Variants in GRAMD1C observed in about 807,000 individuals in gnomAD.
The protein encoded by GRAMD1C is protein Aster-C.
In GRAMD1C, 89 loss-of-function variants were observed where a neutral mutation model predicts 97.8. That is an observed-to-expected ratio of 0.91 (90% CI 0.77 to 1.09). The LOEUF (loss-of-function observed/expected upper bound fraction) is 1.09. Among genes scored for constraint, GRAMD1C ranks in the 50% least tolerant of loss-of-function variants. The pLI, the probability that GRAMD1C is intolerant of heterozygous loss-of-function variation, is 0.00. For missense variants in GRAMD1C, 740 were observed against 766.4 expected (o/e 0.97, Z 0.41); for synonymous variants, 256 against 267.0 (o/e 0.96, Z 0.40).
At chr3:113,853,825 G>T (rs940630034) in intron 2 of GRAMD1C, among the ~76,000 whole-genome samples, 2 of 152,194 alleles carry the variant, frequency 1.3e-5, no homozygotes, top group Non-Finnish European at 1.5e-5. Flanking sequence ...GGATGGTCAG[G>T]AATAGCTTCT....
At position 113,883,039 on chromosome 3, in the gene GRAMD1C, A is replaced by G. The variant is rs190093531; in HGVS notation, c.540+207A>G. On this transcript the variant is annotated intron_variant, in intron 6 of 17. Coordinates refer to ENST00000358160, the MANE Select transcript of GRAMD1C (RefSeq NM_017577.5). ...ATAATCACCAAGAAAATAAATAAAA[A>G]TAAAAAATAAGCAGCAAAGGAATTA... Among the ~76,000 whole-genome samples the G allele has an allele frequency of 4.2e-3, 635 of 152,346 alleles. 5 individuals carry two copies. Among genetic ancestry groups the G allele is most frequent in the African/African-American group, 0.014 (585 of 41,578 alleles).
At chr3:113,881,257 C>T (rs1042747342) in intron 5 of GRAMD1C, among the ~76,000 whole-genome samples, 7 of 152,172 alleles carry the variant, frequency 4.6e-5, no homozygotes, top group Non-Finnish European at 1.0e-4. Context: ...CGGGTTCAAG[C>T]GATTCTCCAG....
At chr3:113,928,580 A>C (rs1481120453) in intron 10 of GRAMD1C, among the ~76,000 whole-genome samples, 2 of 152,208 alleles carry the variant, frequency 1.3e-5, no homozygotes, top group Admixed American at 1.3e-4. Context: ...CATCTTCAGA[A>C]CTTTTTAATC....
chr3:113,885,914 C>T, intron 6 of GRAMD1C: 1 of 1,612,826 alleles, frequency 6.2e-7, no homozygotes, highest in South Asian at 1.1e-5. Context: ...AATCCTGGTT[C>T]AGTGACCCCA....
At position 113,885,102 on chromosome 3, in the gene GRAMD1C, C is replaced by A. The variant is rs1935416828; in HGVS notation, c.540+2270C>A. On this transcript the variant is annotated intron_variant, in intron 6 of 17. Transcript: ENST00000358160. ...CCCCCGCGGGCTGCCCACGCCTGTCCCCCAGCTCCCCATTCCGCTGGGCTT... is the reference window on the plus strand; with the variant it reads ...CCCCCGCGGGCTGCCCACGCCTGTCACCCAGCTCCCCATTCCGCTGGGCTT... Among the ~76,000 whole-genome samples the A allele has an allele frequency of 7.9e-5, 12 of 152,084 alleles. No individual in the cohort carries two copies. In the South Asian group the frequency reaches 2.5e-3, roughly 32 times the overall value.
intron 2 of GRAMD1C, among the ~76,000 whole-genome samples, chr3:113,859,297 GTTATT>G: frequency 6.6e-6 from 1 of 152,174 alleles, no homozygotes; most frequent in South Asian, 2.1e-4. Context: ...AGTTCCGTGT[GTTATT>G]TTATTTCCCT....
chr3:113,944,301 G>A lies in GRAMD1C; in HGVS notation c.1909-1097G>A, dbSNP rs193123087. Among the ~76,000 whole-genome samples the A allele has an allele frequency of 7.3e-4, 111 of 152,266 alleles. 2 individuals carry two copies. The South Asian group carries it at 0.014, about 19-fold the overall frequency. On this transcript the variant is annotated intron_variant, in intron 17 of 17. Transcript: ENST00000358160. The stretch of plus-strand genomic sequence containing the variant: ...GAGCACTAATCCATTCATAGGAGCC[G>A]TCATGACCTAATCACCTCCCAGAGG...
intron 6 of GRAMD1C, among the ~76,000 whole-genome samples, chr3:113,893,516 A>G (rs947561190): frequency 6.6e-6 from 1 of 152,014 alleles, no homozygotes; most frequent in East Asian, 1.9e-4. Flanking sequence ...TTGTATTTCT[A>G]TAATATGCAT....
At chr3:113,851,324 A>G (rs1000492630) in intron 2 of GRAMD1C, among the ~76,000 whole-genome samples, 1 of 152,198 alleles carries the variant, frequency 6.6e-6, no homozygotes, top group Admixed American at 6.5e-5. Context: ...ATAGAAAAAA[A>G]GATGGAGTAG....
intron 10 of GRAMD1C, among the ~76,000 whole-genome samples, chr3:113,925,114 T>C (rs1477233257): frequency 6.6e-6 from 1 of 152,260 alleles, no homozygotes; most frequent in East Asian, 1.9e-4. Flanking sequence ...TTTTTTGTTT[T>C]TCATTTGCTT....
rs867891528 is a variant in GRAMD1C, at chr3:113,924,091, G to T, written c.1091-6623G>T. Among the ~76,000 whole-genome samples, 332 of 133,630 alleles carry T rather than the reference G, an allele frequency of 2.5e-3. 2 individuals are homozygous for T. Among genetic ancestry groups the T allele is most frequent in the African/African-American group, 7.5e-3 (269 of 35,922 alleles). 87.7% of individuals were successfully genotyped at this position (133,630 alleles called of 152,430 possible). ...AGAGGTGTTCATAATAGTCTCTGGG[G>T]TTTTTTTTTTTTTTTCTGTGGGGTC... On this transcript the variant is annotated intron_variant, in intron 10 of 17. Coordinates refer to ENST00000358160, the MANE Select transcript of GRAMD1C (RefSeq NM_017577.5).
intron 2 of GRAMD1C, among the ~76,000 whole-genome samples, chr3:113,863,339 A>T (rs1296821196): frequency 6.6e-6 from 1 of 152,178 alleles, no homozygotes; most frequent in Non-Finnish European, 1.5e-5. Flanking sequence ...ACAGACACAA[A>T]GGGCCACAAG....
At chr3:113,882,232 G>T (rs181950048) in intron 5 of GRAMD1C, among the ~76,000 whole-genome samples, 57 of 152,204 alleles carry the variant, frequency 3.7e-4, no homozygotes, top group Middle Eastern at 3.4e-3. Flanking sequence ...GTTAGCATGG[G>T]TACTTTATAA....
At chr3:113,917,481 G>C (rs1354011823) in intron 10 of GRAMD1C, among the ~76,000 whole-genome samples, 1 of 151,454 alleles carries the variant, frequency 6.6e-6, no homozygotes, top group Admixed American at 6.6e-5. Context: ...GCGCCACCAC[G>C]CCTGGATAAT....
At chr3:113,924,556 T>A (rs1937168832) in intron 10 of GRAMD1C, among the ~76,000 whole-genome samples, 1 of 152,242 alleles carries the variant, frequency 6.6e-6, no homozygotes, top group African/African-American at 2.4e-5. Flanking sequence ...GGTTGTTTAA[T>A]TTCCATGTAA....
chr3:113,832,565 T>C (rs1404238986), intron 1 of GRAMD1C, among the ~76,000 whole-genome samples: 2 of 152,130 alleles, frequency 1.3e-5, no homozygotes, highest in African/African-American at 2.4e-5. Flanking sequence ...CACCCCAAAC[T>C]GAAACTTTGA....
At chr3:113,893,447 C>T (rs1314653922) in intron 6 of GRAMD1C, among the ~76,000 whole-genome samples, 1 of 151,954 alleles carries the variant, frequency 6.6e-6, no homozygotes, top group Non-Finnish European at 1.5e-5. Context: ...CTTATTCCCA[C>T]TCTAGTTCTC....
chr3:113,913,096 C>G (rs1049287232), intron 9 of GRAMD1C: 1 of 1,282,032 alleles, frequency 7.8e-7, no homozygotes, highest in African/African-American at 1.5e-5. Flanking sequence ...ATGGATTAGT[C>G]ATACGCTGTT....
chr3:113,885,452 C>T, intron 6 of GRAMD1C: 1 of 1,582,196 alleles, frequency 6.3e-7, no homozygotes, highest in Non-Finnish European at 8.7e-7. Context: ...TCTCCTGTGT[C>T]CCGGAATTGG....
Sources: gnomAD v4.1 joint callset for allele counts (sites outside exome capture counted in the v4.1 genomes callset) on GRCh38, gnomAD v4.1.1 for gene constraint, MANE v1.5 for transcripts, NCBI Gene and HGNC (gene_info 2026-07-23, HGNC 2026-07-21) for gene names.